Variants in PCDH15 observed in about 807,000 individuals in gnomAD.
PCDH15 encodes the protein protocadherin-15.
Under a neutral mutation model 178.5 loss-of-function variants are expected in PCDH15, and 129 were observed. The observed-to-expected ratio is 0.72, with a 90% confidence interval of 0.63 to 0.84. The LOEUF (loss-of-function observed/expected upper bound fraction) is 0.84, where lower values mean the gene tolerates loss of function less well. Ranked by LOEUF, PCDH15 falls within the 40% of genes least tolerant of loss-of-function variation. The pLI is 0.00. For missense variants in PCDH15, 2,230 were observed against 2,099.9 expected, an observed-to-expected ratio of 1.06 and a Z score of -1.21; for synonymous variants, 800 against 732.0, an observed-to-expected ratio of 1.09 and a Z score of -1.50.
chr10:54,665,845 C>G (rs530545053), intron 1 of PCDH15, among the ~76,000 whole-genome samples: 2 of 151,872 alleles, frequency 1.3e-5, no homozygotes, highest in Non-Finnish European at 2.9e-5. Context: ...AAGAAGAGCT[C>G]ATTATTAGAT....
chr10:54,871,707 T>A (rs1954044623), intron 3 of PCDH15, among the ~76,000 whole-genome samples: 1 of 152,092 alleles, frequency 6.6e-6, no homozygotes, highest in South Asian at 2.1e-4. Flanking sequence ...CACTAATCAG[T>A]GGGACCCAGG....
intron 2 of PCDH15, among the ~76,000 whole-genome samples, chr10:55,074,609 G>A (rs1389136811): frequency 6.6e-6 from 1 of 152,032 alleles, no homozygotes; most frequent in African/African-American, 2.4e-5. Context: ...GTAGATTCTG[G>A]ATATTAGATC....
At chr10:54,684,723 C>A (rs2094962028) in intron 1 of PCDH15, among the ~76,000 whole-genome samples, 1 of 151,934 alleles carries the variant, frequency 6.6e-6, no homozygotes, top group African/African-American at 2.4e-5. Flanking sequence ...ATCAGATTTT[C>A]AAAGTTTGAC....
At chr10:55,359,624 T>C (rs1176530762) in intron 2 of PCDH15, among the ~76,000 whole-genome samples, 2 of 151,442 alleles carry the variant, frequency 1.3e-5, no homozygotes, top group Non-Finnish European at 2.9e-5. Context: ...CATAGATGTC[T>C]GTATTCCCAT....
chr10:54,049,548 G>A (rs774380513), intron 18 of PCDH15, among the ~76,000 whole-genome samples: 20 of 152,026 alleles, frequency 1.3e-4, no homozygotes, highest in Non-Finnish European at 2.5e-4. Flanking sequence ...TTCTTTCAAT[G>A]CCTAGTTTCT....
At chr10:55,515,570 A>C (rs1840993404) in intron 2 of PCDH15, among the ~76,000 whole-genome samples, 1 of 152,092 alleles carries the variant, frequency 6.6e-6, no homozygotes, top group Admixed American at 6.6e-5. Context: ...CTTTAAATTA[A>C]TTAATAAGTA....
At chr10:55,085,579 T>G (rs2132030373) in intron 2 of PCDH15, among the ~76,000 whole-genome samples, 1 of 152,050 alleles carries the variant, frequency 6.6e-6, no homozygotes, top group South Asian at 2.1e-4. Flanking sequence ...ATTATATGCC[T>G]TTATCAGAAT....
At chr10:55,090,551 TA>T (rs1382288818) in intron 2 of PCDH15, among the ~76,000 whole-genome samples, 3 of 151,994 alleles carry the variant, frequency 2.0e-5, no homozygotes, top group Non-Finnish European at 2.9e-5. Context: ...CCTCCTTCCA[TA>T]AGCGGTAGGA....
chr10:54,832,230 C>G (rs1237118285), intron 3 of PCDH15, among the ~76,000 whole-genome samples: 2 of 152,066 alleles, frequency 1.3e-5, no homozygotes, highest in Non-Finnish European at 2.9e-5. Flanking sequence ...CCAGGAGAAG[C>G]CTTGGCAATA....
intron 21 of PCDH15, among the ~76,000 whole-genome samples, chr10:53,978,222 C>T (rs981725354): frequency 6.6e-6 from 1 of 152,150 alleles, no homozygotes; most frequent in Non-Finnish European, 1.5e-5. Flanking sequence ...GAGAATTCTG[C>T]CCCTGCAGCA....
chr10:54,515,370 C>A (rs1479310098), intron 3 of PCDH15, among the ~76,000 whole-genome samples: 2 of 152,220 alleles, frequency 1.3e-5, no homozygotes, highest in African/African-American at 4.8e-5. Context: ...TGGAGTCTCG[C>A]TGATTGCTAG....
intron 2 of PCDH15, among the ~76,000 whole-genome samples, chr10:55,418,344 G>A (rs1359652841): frequency 6.6e-6 from 1 of 151,836 alleles, no homozygotes; most frequent in Non-Finnish European, 1.5e-5. Context: ...AGTTGGAGAG[G>A]AAAGTCAGGG....
intron 20 of PCDH15, among the ~76,000 whole-genome samples, chr10:54,016,377 A>G (rs1043588209): frequency 2.0e-5 from 3 of 152,194 alleles, no homozygotes; most frequent in African/African-American, 7.2e-5. Context: ...ATTTTTAGGT[A>G]TATACACAAA....
rs763704132 is a variant in PCDH15, at chr10:54,774,007, CTTTTTTTTTTTTTTTTTTT to C, written c.-29+26899_-29+26917del. On this transcript the variant is annotated intron_variant, in intron 1 of 37. Coordinates refer to ENST00000644397, the MANE Select transcript of PCDH15 (RefSeq NM_001384140.1). Reference sequence around the variant, plus strand: ...TAGATGAACTGGCATACTTCATAGGCTTTTTTTTTTTTTTTTTTTTTTTTTTTTTTTTTTTTTTTGAGAC... The same window carrying C: ...TAGATGAACTGGCATACTTCATAGGCTTTTTTTTTTTTTTTTTTTTGAGAC... 5.6e-4 allele frequency among the ~76,000 whole-genome samples: 42 copies of C among 75,378 alleles called. 1 individual carries two copies. Among genetic ancestry groups the C allele is most frequent in the South Asian group, 2.1e-3 (4 of 1,944 alleles). 49.5% of individuals were successfully genotyped at this position (75,378 alleles called of 152,430 possible).
At chr10:54,681,811 T>C (rs2094905623) in intron 1 of PCDH15, among the ~76,000 whole-genome samples, 1 of 152,094 alleles carries the variant, frequency 6.6e-6, no homozygotes, top group East Asian at 1.9e-4. Context: ...CTATTACCAA[T>C]GAAAATAATC....
chr10:53,865,322 G>A (rs1564636381), intron 27 of PCDH15, among the ~76,000 whole-genome samples: 2 of 152,116 alleles, frequency 1.3e-5, no homozygotes, highest in Non-Finnish European at 2.9e-5. Flanking sequence ...AAACAAGAAA[G>A]AGAACATGAG....
intron 3 of PCDH15, among the ~76,000 whole-genome samples, chr10:54,497,722 T>C (rs998132899): frequency 5.3e-5 from 8 of 152,094 alleles, no homozygotes; most frequent in Non-Finnish European, 1.2e-4. Flanking sequence ...TTGAAGACTG[T>C]ACCTTCTAAT....
rs1211010466 is a variant in PCDH15, at chr10:53,940,767, A to T, written c.3232+99T>A. The T allele has an allele frequency of 3.4e-6, 3 of 890,198 alleles. No homozygotes were observed. In the South Asian group the frequency reaches 4.3e-5, roughly 13 times the overall value. 55.1% of individuals were successfully genotyped at this position (890,198 alleles called of 1,614,324 possible). A position where few individuals can be genotyped will look rare whatever the true frequency, so the allele number is the denominator to read the frequency against. On this transcript the variant is annotated intron_variant, in intron 24 of 37. Transcript: ENST00000644397. ...TTTAAGATGGGCACAATTTTATTAG[A>T]AAACAATAGAATAGATAATAATTTC...
intron 2 of PCDH15, among the ~76,000 whole-genome samples, chr10:55,125,404 A>G (rs947530588): frequency 3.3e-5 from 5 of 152,086 alleles, no homozygotes; most frequent in African/African-American, 1.2e-4. Context: ...GAGGCATTCA[A>G]TTAAAAATAC....
Sources: allele counts gnomAD v4.1 joint callset (sites outside exome capture counted in the v4.1 genomes callset), GRCh38; gene constraint gnomAD v4.1.1; transcripts MANE v1.5; gene names NCBI Gene and HGNC (gene_info 2026-07-23, HGNC 2026-07-21).